The following PKHD1 variants were observed in gnomAD, a reference collection of about 807,000 sequenced individuals.
The protein encoded by PKHD1 is PKHD1 ciliary IPT domain containing fibrocystin/polyductin.
In PKHD1, 291 loss-of-function variants were observed where a neutral mutation model predicts 412.0. That is an observed-to-expected ratio of 0.71 (90% CI 0.64 to 0.78). The LOEUF (loss-of-function observed/expected upper bound fraction) is 0.78, where lower values mean the gene tolerates loss of function less well. Ranked by LOEUF, PKHD1 falls within the 30% of genes least tolerant of loss-of-function variation. The pLI, the probability that PKHD1 is intolerant of heterozygous loss-of-function variation, is 0.00. For missense variants in PKHD1, 4,825 were observed against 4,950.7 expected (o/e 0.97, Z 0.76); for synonymous variants, 1,777 against 1,821.5 (o/e 0.98, Z 0.62).
At chr6:52,024,341 A>G (rs149979957) in intron 32 of PKHD1, among the ~76,000 whole-genome samples, 59 of 152,370 alleles carry the variant, frequency 3.9e-4, no homozygotes, top group Admixed American at 1.4e-3. Flanking sequence ...AAATTAAAAT[A>G]CAATCAAACA....
intron 66 of PKHD1, 76 bp from the exon 67 acceptor site, chr6:51,619,596 T>C: frequency 8.4e-7 from 1 of 1,186,396 alleles, no homozygotes; most frequent in Admixed American, 1.7e-5. Context: ...ATACTTAGCA[T>C]TTCTGACAAG....
chr6:51,658,581 T>C (rs1562038525), intron 61 of PKHD1, among the ~76,000 whole-genome samples: 1 of 152,100 alleles, frequency 6.6e-6, no homozygotes, highest in Admixed American at 6.6e-5. Flanking sequence ...CAGAATAACA[T>C]CTATTTCACT....
chr6:51,661,921 T>A (rs528488051), intron 60 of PKHD1, among the ~76,000 whole-genome samples: 1 of 152,050 alleles, frequency 6.6e-6, no homozygotes, highest in Admixed American at 6.6e-5. Flanking sequence ...TATTCTTCCA[T>A]CCATATGATA....
chr6:52,014,494 A>G (rs1174976252), intron 34 of PKHD1, among the ~76,000 whole-genome samples: 1 of 152,224 alleles, frequency 6.6e-6, no homozygotes, highest in African/African-American at 2.4e-5. Flanking sequence ...GGATAGATGG[A>G]TGGATCATGG....
At chr6:51,896,072 T>A (rs1174196998) in intron 43 of PKHD1, among the ~76,000 whole-genome samples, 2 of 151,840 alleles carry the variant, frequency 1.3e-5, no homozygotes, top group Admixed American at 1.3e-4. Context: ...AAACTGCAAG[T>A]CGGTAGCCAG....
intron 63 of PKHD1, among the ~76,000 whole-genome samples, chr6:51,646,270 T>C (rs1263068222): frequency 6.6e-6 from 1 of 152,152 alleles, no homozygotes; most frequent in Non-Finnish European, 1.5e-5. Context: ...ATCCTACCCA[T>C]AAGCAGAGGA....
intron 53 of PKHD1, among the ~76,000 whole-genome samples, chr6:51,786,885 T>G (rs746861160): frequency 6.6e-6 from 1 of 152,216 alleles, no homozygotes; most frequent in South Asian, 2.1e-4. Flanking sequence ...TTATCTTAAC[T>G]GTTTTATCAG....
intron 53 of PKHD1, among the ~76,000 whole-genome samples, chr6:51,789,816 T>C (rs2151250720): frequency 6.6e-6 from 1 of 152,224 alleles, no homozygotes; most frequent in Non-Finnish European, 1.5e-5. Context: ...TTCAAAAAGA[T>C]GTGAATGAAG....
intron 35 of PKHD1, among the ~76,000 whole-genome samples, chr6:51,981,031 G>A (rs1026951722): frequency 3.9e-5 from 6 of 152,006 alleles, no homozygotes; most frequent in African/African-American, 1.4e-4. Context: ...AAAATAAAAA[G>A]TTAAGTTCCT....
intron 33 of PKHD1, among the ~76,000 whole-genome samples, chr6:52,020,198 A>C (rs545381587): frequency 2.0e-5 from 3 of 152,314 alleles, no homozygotes; most frequent in African/African-American, 7.2e-5. Flanking sequence ...ACTACAAAAG[A>C]AAAAAAGAAA....
chr6:51,888,487 AT>A (rs1306284021), intron 43 of PKHD1, among the ~76,000 whole-genome samples: 1 of 151,880 alleles, frequency 6.6e-6, no homozygotes, highest in Non-Finnish European at 1.5e-5. Flanking sequence ...CAATGTTCAT[AT>A]TTTTTTGGTT....
At chr6:51,717,689 T>C (rs1049278479) in intron 60 of PKHD1, among the ~76,000 whole-genome samples, 1 of 152,150 alleles carries the variant, frequency 6.6e-6, no homozygotes, top group South Asian at 2.1e-4. Context: ...AATAATCTAA[T>C]GACACACTCC....
At chr6:51,847,535 A>T (rs761051744) in intron 50 of PKHD1, among the ~76,000 whole-genome samples, 3 of 152,156 alleles carry the variant, frequency 2.0e-5, no homozygotes, top group African/African-American at 7.2e-5. Context: ...CCCTATGGTC[A>T]TACTTCTCTA....
At chr6:51,839,784 ATTCTCAC>A (rs1271278669) in intron 50 of PKHD1, among the ~76,000 whole-genome samples, 1 of 151,862 alleles carries the variant, frequency 6.6e-6, no homozygotes, top group Non-Finnish European at 1.5e-5. Flanking sequence ...TCATATTCTC[ATTCTCAC>A]TTTGTCGTTT....
At chr6:51,959,273 T>C (rs965958622) in intron 36 of PKHD1, among the ~76,000 whole-genome samples, 9 of 152,150 alleles carry the variant, frequency 5.9e-5, no homozygotes, top group African/African-American at 2.2e-4. Context: ...ATTTTTATTC[T>C]CATTTAGCAG....
intron 61 of PKHD1, 75 bp downstream of exon 61, chr6:51,658,877 T>C: frequency 1.1e-6 from 1 of 923,530 alleles, no homozygotes; most frequent in East Asian, 2.4e-5. Flanking sequence ...GTAAGTAGAT[T>C]GACATTTGCA....
chr6:51,883,043 G>A (rs1418923053), intron 46 of PKHD1, 50 bp downstream of exon 46: 5 of 1,491,340 alleles, frequency 3.4e-6, no homozygotes, highest in South Asian at 1.1e-5. Context: ...CCCAGCACAT[G>A]TAATTTTGTT....
chr6:51,799,082 A>T (rs1795018056), intron 52 of PKHD1, among the ~76,000 whole-genome samples: 1 of 151,354 alleles, frequency 6.6e-6, no homozygotes, highest in African/African-American at 2.4e-5. Flanking sequence ...ACAGGAACAC[A>T]GCTGATGTTC....
At chr6:51,627,556 G>A (rs928436192) in intron 65 of PKHD1, among the ~76,000 whole-genome samples, 25 of 151,958 alleles carry the variant, frequency 1.6e-4, no homozygotes, top group African/African-American at 5.1e-4. Context: ...CCGTAGGACA[G>A]AACTGATTAG....
Sources: allele counts gnomAD v4.1 joint callset (sites outside exome capture counted in the v4.1 genomes callset), GRCh38; gene constraint gnomAD v4.1.1; transcripts MANE v1.5; gene names NCBI Gene and HGNC (gene_info 2026-07-23, HGNC 2026-07-21).